Variants in CERKL observed in about 807,000 individuals in gnomAD.
The protein encoded by CERKL is ceramide kinase-like protein.
In CERKL, 61 loss-of-function variants were observed where a neutral mutation model predicts 63.4. The ratio of observed to expected loss-of-function variants is 0.96; its 90% confidence interval spans 0.78 to 1.19. The LOEUF is 1.19. Ranked by LOEUF, CERKL falls within the 50% of genes most tolerant of loss-of-function variation. CERKL has a pLI of 0.00. For synonymous variants in CERKL, 250 were observed against 230.5 expected, an observed-to-expected ratio of 1.08 and a Z score of -0.77; for missense variants, 675 against 655.5, an observed-to-expected ratio of 1.03 and a Z score of -0.33.
At chr2:181,570,982 C>T (rs1199714973) in intron 3 of CERKL, among the ~76,000 whole-genome samples, 1 of 152,076 alleles carries the variant, frequency 6.6e-6, no homozygotes, top group Non-Finnish European at 1.5e-5. Flanking sequence ...CTTCCATATA[C>T]TTTCAAATAA....
At chr2:181,538,868 G>A (rs543894273) in intron 12 of CERKL, among the ~76,000 whole-genome samples, 49 of 152,230 alleles carry the variant, frequency 3.2e-4, no homozygotes, top group Non-Finnish European at 5.1e-4. Flanking sequence ...ATGTAGACAC[G>A]CATAACCAAA....
At chr2:181,640,346 AC>A (rs1479203738) in intron 1 of CERKL, among the ~76,000 whole-genome samples, 4 of 152,170 alleles carry the variant, frequency 2.6e-5, no homozygotes, top group African/African-American at 9.7e-5. Flanking sequence ...ATGTAGACAC[AC>A]ACAATCAAAA....
intron 2 of CERKL, among the ~76,000 whole-genome samples, chr2:181,583,877 T>C (rs1030676525): frequency 2.6e-5 from 4 of 152,240 alleles, no homozygotes; most frequent in African/African-American, 7.2e-5. Flanking sequence ...AAAGACATTA[T>C]GGAAAATATG....
chr2:181,629,972 A>AAC (rs917513065), intron 1 of CERKL, among the ~76,000 whole-genome samples: 8 of 151,558 alleles, frequency 5.3e-5, no homozygotes, highest in African/African-American at 1.9e-4. Flanking sequence ...GAAAAAAAAA[A>AAC]AAAAAACACA....
At chr2:181,567,485 G>C (rs890590701) in intron 3 of CERKL, among the ~76,000 whole-genome samples, 2 of 151,774 alleles carry the variant, frequency 1.3e-5, no homozygotes, top group Non-Finnish European at 2.9e-5. Flanking sequence ...TTTTTAATTT[G>C]TAATAGTCTT....
chr2:181,568,495 C>G (rs1293422882), intron 3 of CERKL, among the ~76,000 whole-genome samples: 1 of 152,084 alleles, frequency 6.6e-6, no homozygotes, highest in South Asian at 2.1e-4. Context: ...AGCATTCCTC[C>G]ATTTCTCCCA....
In CERKL at chr2:181,536,868, G is replaced by C. The variant is rs1574420204; in HGVS notation, c.*1316C>G. On this transcript the variant is annotated 3_prime_UTR_variant, in exon 13 of 13. Transcript: ENST00000410087. ...CATAAGAGAGCTGTGGCCGAATTTT[G>C]AACATCTGTTATAGGGAGTGATCAA... 2.3e-6 allele frequency: 1 copy of C among 432,620 alleles called. No homozygotes were observed. Among genetic ancestry groups the C allele is most frequent in the East Asian group, 7.1e-5 (1 of 14,032 alleles). The allele number at this position is 432,620 out of a possible 1,614,324, so 26.8% of individuals were successfully genotyped here. A position where few individuals can be genotyped will look rare whatever the true frequency, so the allele number is the denominator to read the frequency against.
intron 1 of CERKL, among the ~76,000 whole-genome samples, chr2:181,614,171 G>C (rs1686091912): frequency 6.6e-6 from 1 of 152,170 alleles, no homozygotes; most frequent in Non-Finnish European, 1.5e-5. Flanking sequence ...AAAGCAGAAG[G>C]CTTCTGAGGT....
chr2:181,638,207 G>C (rs919977337), intron 1 of CERKL, among the ~76,000 whole-genome samples: 1 of 152,106 alleles, frequency 6.6e-6, no homozygotes, highest in African/African-American at 2.4e-5. Context: ...AAAAACCTAA[G>C]TAACAAGGTA....
chr2:181,542,603 CTA>C (rs1469238607), intron 11 of CERKL, among the ~76,000 whole-genome samples: 1 of 149,050 alleles, frequency 6.7e-6, no homozygotes, highest in Non-Finnish European at 1.5e-5. Flanking sequence ...ACTATATACA[CTA>C]TGCAAAATAT....
In CERKL at chr2:181,550,194, G is replaced by A. The variant is rs1470824420; in HGVS notation, c.821-486C>T. ...AAAATATGCTCTAAACACATTTAAT[G>A]AATCTTAGAGGTAAGCTCTTAGCCA... On this transcript the variant is annotated intron_variant, in intron 5 of 12. Coordinates refer to ENST00000410087, the MANE Select transcript of CERKL (RefSeq NM_201548.5). The surrounding 1 kb of genome is among the most constrained non-coding windows in gnomAD (Gnocchi z 4.5). Among the ~76,000 whole-genome samples the A allele has an allele frequency of 6.6e-6, 1 of 152,140 alleles. No individual in the cohort carries two copies. Among genetic ancestry groups the A allele is most frequent in the East Asian group, 1.9e-4 (1 of 5,204 alleles).
At chr2:181,563,785 CTCATA>C (rs201283831) in intron 4 of CERKL, among the ~76,000 whole-genome samples, 2,845 of 152,070 alleles carry the variant, frequency 0.019, 69 homozygotes, top group African/African-American at 0.064. Context: ...TATTATTCTC[CTCATA>C]TATCTCTCTA....
At chr2:181,619,049 T>C (rs1048808837) in intron 1 of CERKL, among the ~76,000 whole-genome samples, 1 of 152,248 alleles carries the variant, frequency 6.6e-6, no homozygotes, top group Non-Finnish European at 1.5e-5. Context: ...AAAGCAATTT[T>C]AAATATTTCA....
chr2:181,537,751 T>TTTGAA lies in CERKL; in HGVS notation c.*428_*432dup, dbSNP rs1388618418. On this transcript the variant is annotated 3_prime_UTR_variant, in exon 13 of 13. Transcript: ENST00000410087. The stretch of plus-strand genomic sequence containing the variant: ...AATAAACACATTGTAAAAAAAAGAA[T>TTTGAA]TTGAATTGATATCTAAAAACAGAAT... 2.2e-6 allele frequency: 1 copy of TTTGAA among 445,204 alleles called. No individual in the cohort carries two copies. Among genetic ancestry groups the TTTGAA allele is most frequent in the Non-Finnish European group, 4.5e-6 (1 of 222,908 alleles). The allele number at this position is 445,204 out of a possible 1,614,324, so 27.6% of individuals were successfully genotyped here. A position where few individuals can be genotyped will look rare whatever the true frequency, so the allele number is the denominator to read the frequency against.
chr2:181,600,745 T>C (rs1277613138), intron 2 of CERKL, among the ~76,000 whole-genome samples: 1 of 152,050 alleles, frequency 6.6e-6, no homozygotes, highest in African/African-American at 2.4e-5. Flanking sequence ...AAAAAAGCTA[T>C]ACAATAATAG....
intron 4 of CERKL, chr2:181,565,516 A>G (rs1451070004): frequency 6.3e-7 from 1 of 1,591,562 alleles, no homozygotes; most frequent in Non-Finnish European, 8.6e-7. Context: ...GCCCACTGTG[A>G]ATAACATACC....
intron 2 of CERKL, among the ~76,000 whole-genome samples, chr2:181,596,459 A>G (rs1181132176): frequency 1.3e-5 from 2 of 152,170 alleles, no homozygotes; most frequent in Non-Finnish European, 1.5e-5. Context: ...TTTAGCTGAA[A>G]GGGTAGAGGT....
intron 1 of CERKL, among the ~76,000 whole-genome samples, chr2:181,623,773 C>T: frequency 6.6e-6 from 1 of 152,170 alleles, no homozygotes; most frequent in Non-Finnish European, 1.5e-5. Flanking sequence ...CATTTGGCAG[C>T]AAATCTTGAG....
intron 11 of CERKL, among the ~76,000 whole-genome samples, chr2:181,539,923 A>G (rs892867024): frequency 6.6e-6 from 1 of 152,210 alleles, no homozygotes; most frequent in Non-Finnish European, 1.5e-5. Flanking sequence ...GACATAATTA[A>G]GAAAATATAG....
Sources: allele counts gnomAD v4.1 joint callset (sites outside exome capture counted in the v4.1 genomes callset), GRCh38; gene constraint gnomAD v4.1.1; non-coding constraint Gnocchi (gnomAD v3.1); transcripts MANE v1.5; gene names NCBI Gene and HGNC (gene_info 2026-07-23, HGNC 2026-07-21).